NREP: variants seen among roughly 807,000 people sequenced by gnomAD.
NREP encodes the protein neuronal regeneration-related protein.
Under a neutral mutation model 8.6 loss-of-function variants are expected in NREP, and 5 were observed. The ratio of observed to expected loss-of-function variants is 0.58; its 90% CI spans 0.30 to 1.22. NREP has a LOEUF of 1.22. Ranked by LOEUF, NREP falls within the 50% of genes most tolerant of loss-of-function variation. The pLI, the probability that NREP is intolerant of heterozygous loss-of-function variation, is 0.07. For synonymous variants in NREP, 27 were observed against 28.0 expected, an observed-to-expected ratio of 0.96 and a Z score of 0.11; for missense variants, 86 against 82.5, an observed-to-expected ratio of 1.04 and a Z score of -0.17.
intron 2 of NREP, among the ~76,000 whole-genome samples, chr5:111,854,186 C>G (rs1327956668): frequency 6.6e-6 from 1 of 152,160 alleles, no homozygotes; most frequent in Non-Finnish European, 1.5e-5. Flanking sequence ...GAAACACTCT[C>G]CTTCATGATG....
At chr5:111,768,968 T>C (rs906075019) in intron 2 of NREP, among the ~76,000 whole-genome samples, 5 of 152,238 alleles carry the variant, frequency 3.3e-5, no homozygotes, top group Non-Finnish European at 7.3e-5. Context: ...CACTAATTTA[T>C]TTTCCCATCA....
rs1755472953 is a variant in NREP at position 111,929,224 on chromosome 5, G to A, written c.135+46050C>T. ...TGCCTTTAGTTCTAAATTAATCTTG[G>A]CAAAATATTTCATTTAATTGTGATA... On this transcript the variant is annotated intron_variant, in intron 2 of 3. Transcript: ENST00000395634. Among the ~76,000 whole-genome samples, 3 of 152,068 alleles carry A rather than the reference G, an allele frequency of 2.0e-5. No individual in the cohort carries two copies. In the South Asian group the frequency reaches 6.2e-4, roughly 31 times the overall value.
At chr5:111,882,507 C>A (rs924407257) in intron 2 of NREP, among the ~76,000 whole-genome samples, 12 of 152,104 alleles carry the variant, frequency 7.9e-5, no homozygotes, top group Non-Finnish European at 1.3e-4. Context: ...TCAAGAAGAG[C>A]AACTCGAAGA....
intron 2 of NREP, among the ~76,000 whole-genome samples, chr5:111,903,530 T>C (rs1414386433): frequency 6.6e-6 from 1 of 152,160 alleles, no homozygotes; most frequent in Non-Finnish European, 1.5e-5. Context: ...GGTAATTACA[T>C]TTTTTCTACC....
At chr5:111,768,943 T>C (rs753420545) in intron 2 of NREP, among the ~76,000 whole-genome samples, 2 of 152,220 alleles carry the variant, frequency 1.3e-5, no homozygotes, top group Non-Finnish European at 2.9e-5. Context: ...TCCAAACTGT[T>C]TTCCACAGTG....
At chr5:111,731,905 A>AGCACACCTGCCCACATGAT (rs1748622676) in intron 3 of NREP, 1 of 152,438 alleles carries the variant, frequency 6.6e-6, no homozygotes, top group Admixed American at 6.5e-5. Flanking sequence ...AGCACAGTGA[A>AGCACACCTGCCCACATGAT]GCACACCTGC....
chr5:111,903,389 A>G (rs1232300261), intron 2 of NREP, among the ~76,000 whole-genome samples: 1 of 152,020 alleles, frequency 6.6e-6, no homozygotes, highest in Non-Finnish European at 1.5e-5. Context: ...CCAGCTCTCC[A>G]TGAAATTTTT....
At chr5:111,815,904 C>G (rs1752374856) in intron 2 of NREP, among the ~76,000 whole-genome samples, 1 of 152,120 alleles carries the variant, frequency 6.6e-6, no homozygotes, top group Admixed American at 6.5e-5. Context: ...AAGAAAACCA[C>G]ATCTAGTCAC....
intron 1 of NREP, among the ~76,000 whole-genome samples, chr5:111,976,516 T>C (rs552519781): frequency 6.6e-6 from 1 of 152,250 alleles, no homozygotes; most frequent in African/African-American, 2.4e-5. Flanking sequence ...GAGAAGACAA[T>C]AAGCAAATAT....
chr5:111,806,574 C>T (rs887208148), intron 2 of NREP, among the ~76,000 whole-genome samples: 11 of 152,120 alleles, frequency 7.2e-5, no homozygotes, highest in Admixed American at 6.5e-4. Flanking sequence ...TTTGTTACAG[C>T]CATCAGCCTT....
At chr5:111,776,570 C>G (rs1255200139) in intron 2 of NREP, among the ~76,000 whole-genome samples, 1 of 152,072 alleles carries the variant, frequency 6.6e-6, no homozygotes, top group Non-Finnish European at 1.5e-5. Flanking sequence ...TTCCATATGT[C>G]CATCAACAAG....
intron 2 of NREP, among the ~76,000 whole-genome samples, chr5:111,915,737 C>T (rs1419330049): frequency 6.6e-6 from 1 of 152,040 alleles, no homozygotes; most frequent in Non-Finnish European, 1.5e-5. Flanking sequence ...ATAATACTTG[C>T]TCTCCCTACC....
chr5:111,794,821 C>T (rs543177040), intron 2 of NREP, among the ~76,000 whole-genome samples: 10 of 152,064 alleles, frequency 6.6e-5, no homozygotes, highest in South Asian at 2.1e-4. Context: ...CTAATGTAAA[C>T]GATGGCCTTT....
intron 2 of NREP, among the ~76,000 whole-genome samples, chr5:111,972,402 C>T (rs1197512497): frequency 6.6e-6 from 1 of 152,134 alleles, no homozygotes; most frequent in Non-Finnish European, 1.5e-5. Flanking sequence ...ATTTGTTTTT[C>T]AGGATTGCAG....
At chr5:111,748,187 T>A (rs3797734) in intron 2 of NREP, among the ~76,000 whole-genome samples, 49,810 of 152,080 alleles carry the variant, frequency 0.33, 11,189 homozygotes, top group African/African-American at 0.64. Context: ...TGCAAAAGAA[T>A]GGAACACAGA....
At chr5:111,817,487 T>C (rs546816476) in intron 2 of NREP, among the ~76,000 whole-genome samples, 1 of 152,140 alleles carries the variant, frequency 6.6e-6, no homozygotes, top group East Asian at 1.9e-4. Flanking sequence ...TTTTAGATAA[T>C]TGATTTTTAA....
At chr5:111,738,882 A>C (rs1302691439) in intron 2 of NREP, 1 of 152,160 alleles carries the variant, frequency 6.6e-6, no homozygotes, top group African/African-American at 2.4e-5. Context: ...ATGTCCTTCT[A>C]AGAAGAGATT....
chr5:111,913,574 G>A (rs1754972727), intron 2 of NREP, among the ~76,000 whole-genome samples: 2 of 152,082 alleles, frequency 1.3e-5, no homozygotes, highest in African/African-American at 4.8e-5. Flanking sequence ...AGAGTAAAAT[G>A]AGGAGGCTAA....
At chr5:111,892,964 G>A (rs1337789756) in intron 2 of NREP, among the ~76,000 whole-genome samples, 25 of 152,136 alleles carry the variant, frequency 1.6e-4, no homozygotes, top group Non-Finnish European at 2.9e-5. Flanking sequence ...TTAAACTAGA[G>A]AAAATCTAAA....
Sources: allele counts gnomAD v4.1 joint callset (sites outside exome capture counted in the v4.1 genomes callset), GRCh38; gene constraint gnomAD v4.1.1; transcripts MANE v1.5; gene names NCBI Gene and HGNC (gene_info 2026-07-23, HGNC 2026-07-21).